Variants in ADD1 observed in about 807,000 individuals in gnomAD.
The protein encoded by ADD1 is adducin 1, also known as alpha-adducin.
A neutral mutation model predicts 80.5 loss-of-function variants in ADD1; 24 were observed. The observed-to-expected ratio is 0.30, with a 90% CI of 0.22 to 0.42. The LOEUF (loss-of-function observed/expected upper bound fraction) is 0.42. Ranked by LOEUF, ADD1 falls within the 10% of genes least tolerant of loss-of-function variation. The pLI, the probability that ADD1 is intolerant of heterozygous loss-of-function variation, is 1.00. For synonymous variants in ADD1, 373 were observed against 393.8 expected (o/e 0.95, Z 0.63); for missense variants, 948 against 1,019.0 (o/e 0.93, Z 0.95).
chr4:2,888,924 T>C (rs1733851471), intron 4 of ADD1, among the ~76,000 whole-genome samples: 2 of 152,012 alleles, frequency 1.3e-5, no homozygotes, highest in African/African-American at 4.8e-5. Flanking sequence ...AATATGTACA[T>C]ATATATATGG....
intron 4 of ADD1, among the ~76,000 whole-genome samples, chr4:2,892,042 A>T (rs1734377485): frequency 1.3e-5 from 2 of 152,196 alleles, no homozygotes; most frequent in Non-Finnish European, 2.9e-5. Context: ...AGCGCCCATG[A>T]CACGGTGGGC....
chr4:2,872,688 C>T (rs1218848001), intron 1 of ADD1, among the ~76,000 whole-genome samples: 2 of 152,164 alleles, frequency 1.3e-5, no homozygotes, highest in African/African-American at 4.8e-5. Context: ...TCCTGAGTAG[C>T]TGAGACTACA....
In ADD1 at chr4:2,905,029, T is replaced by A; in HGVS notation, c.1427T>A (p.Ile476Asn). The A allele has an allele frequency of 6.2e-7, 1 of 1,614,176 alleles. No individual in the cohort carries two copies. The highest frequency in any genetic ancestry group is 1.1e-5 in the South Asian group (1 of 91,082). ...PKSKTKVWTN[I>N]THDHVKPLLQ... ...TCGAAGACTAAGGTGTGGACGAACATTACACACGATCACGTGAAACCCTTG... is the reference window on the plus strand; with the variant it reads ...TCGAAGACTAAGGTGTGGACGAACAATACACACGATCACGTGAAACCCTTG... Residue 476 changes from isoleucine to asparagine, a missense_variant, in exon 10 of 16, where the codon ATT (isoleucine) becomes AAT (asparagine). Coordinates refer to ENST00000683351, the MANE Select transcript of ADD1 (RefSeq NM_001354761.2).
intron 4 of ADD1, among the ~76,000 whole-genome samples, chr4:2,885,021 T>A (rs972492332): frequency 3.3e-5 from 5 of 152,244 alleles, no homozygotes; most frequent in African/African-American, 1.2e-4. Context: ...ACTTATTTCT[T>A]CAGCTACTCT....
intron 10 of ADD1, among the ~76,000 whole-genome samples, chr4:2,905,991 A>T (rs1424390429): frequency 1.3e-5 from 2 of 152,210 alleles, no homozygotes; most frequent in Non-Finnish European, 2.9e-5. Flanking sequence ...CAGGGGCTGA[A>T]GCAGACTCAT....
intron 1 of ADD1, among the ~76,000 whole-genome samples, chr4:2,863,099 G>A (rs1729039552): frequency 6.6e-6 from 1 of 152,088 alleles, no homozygotes; most frequent in South Asian, 2.1e-4. Flanking sequence ...ACCCAGGCTA[G>A]AGTGCAGTGG....
At position 2,884,577 on chromosome 4, in the gene ADD1, G is replaced by A; in HGVS notation, c.421G>A (p.Gly141Arg). The A allele has an allele frequency of 6.2e-7, 1 of 1,613,574 alleles. No individual in the cohort carries two copies. Among genetic ancestry groups the A allele is most frequent in the Non-Finnish European group, 8.5e-7 (1 of 1,179,652 alleles). Residue 141 changes from glycine to arginine, a missense_variant, in exon 4 of 16, where the codon GGA (glycine) becomes AGA (arginine). By Grantham distance (125) the Gly-to-Arg change is moderately radical (BLOSUM62 -2). Coordinates refer to ENST00000683351, the MANE Select transcript of ADD1 (RefSeq NM_001354761.2). ...RGSDSIAYDK[G>R]EKLLRCKLAA... The stretch of plus-strand genomic sequence containing the variant: ...ATCTGATTCTATTGCGTATGACAAA[G>A]GAGAGAAGTTATTACGGTGTAAATT...
chr4:2,919,992 C>G (rs561526239), intron 14 of ADD1, among the ~76,000 whole-genome samples: 7 of 152,176 alleles, frequency 4.6e-5, no homozygotes, highest in Non-Finnish European at 1.0e-4. Flanking sequence ...ATAAATTTCC[C>G]TCTAAACACT....
chr4:2,888,731 T>G (rs992311406), intron 4 of ADD1, among the ~76,000 whole-genome samples: 1 of 152,080 alleles, frequency 6.6e-6, no homozygotes, highest in Non-Finnish European at 1.5e-5. Flanking sequence ...AATGAAAAAT[T>G]TTAAGAGTCC....
intron 4 of ADD1, among the ~76,000 whole-genome samples, chr4:2,888,660 C>T (rs1028198836): frequency 3.9e-5 from 6 of 151,948 alleles, no homozygotes; most frequent in Non-Finnish European, 7.4e-5. Context: ...TCAAGTGATC[C>T]GCCCACCTCA....
At chr4:2,844,706 C>T (rs1326201599) in intron 1 of ADD1, 1 of 152,122 alleles carries the variant, frequency 6.6e-6, no homozygotes, top group Non-Finnish European at 1.5e-5. Context: ...GCATACCCAC[C>T]TTGAAAAACG....
chr4:2,884,783 C>T (rs1732973671), intron 4 of ADD1, 117 bp downstream of exon 4: 14 of 1,222,200 alleles, frequency 1.1e-5, no homozygotes, highest in Non-Finnish European at 1.4e-5. Flanking sequence ...TCTTGGAATA[C>T]CTCTTCTGAT....
At chr4:2,855,171 T>A (rs899700112) in intron 1 of ADD1, 2 of 152,198 alleles carry the variant, frequency 1.3e-5, no homozygotes, top group African/African-American at 4.8e-5. Context: ...ATCTGTAGTC[T>A]TTGCCATATA....
intron 4 of ADD1, among the ~76,000 whole-genome samples, chr4:2,890,648 TC>T (rs1216046313): frequency 1.1e-4 from 16 of 152,132 alleles, no homozygotes; most frequent in Non-Finnish European, 2.1e-4. Flanking sequence ...GACCTTGTGA[TC>T]CGCCCTTCTC....
chr4:2,860,035 T>A (rs1481432685), intron 1 of ADD1, among the ~76,000 whole-genome samples: 1 of 152,094 alleles, frequency 6.6e-6, no homozygotes, highest in Non-Finnish European at 1.5e-5. Context: ...AAATCTTACG[T>A]AGAGTTTTCT....
chr4:2,887,448 G>C (rs1201204860), intron 4 of ADD1: 1 of 149,768 alleles, frequency 6.7e-6, no homozygotes, highest in Non-Finnish European at 1.5e-5. Context: ...AGAAGTGTTT[G>C]TGGGGGCTGG....
At chr4:2,853,338 C>T (rs146999644) in intron 1 of ADD1, 1 of 151,984 alleles carries the variant, frequency 6.6e-6, no homozygotes, top group Non-Finnish European at 1.5e-5. Flanking sequence ...AACATCTGAC[C>T]TCAGGTGATC....
rs1577512232 is a variant in ADD1, at chr4:2,875,822, G to C, written c.-20-74G>C. On this transcript the variant is annotated intron_variant, in intron 1 of 15. Transcript: ENST00000683351. ...TCCTGTTGAAGATTGTGTTTACCAA[G>C]CTCATGTGCTCATCATGAAACACTG... The C allele has an allele frequency of 2.5e-6, 3 of 1,209,588 alleles. No individual in the cohort carries two copies. The African/African-American group carries it at 4.6e-5, about 19-fold the overall frequency. 74.9% of individuals were successfully genotyped at this position (1,209,588 alleles called of 1,614,324 possible).
intron 4 of ADD1, among the ~76,000 whole-genome samples, chr4:2,886,417 C>T (rs188564727): frequency 1.3e-4 from 20 of 152,284 alleles, no homozygotes; most frequent in African/African-American, 7.2e-5. Flanking sequence ...TTCTTGTTTC[C>T]GCTTAAATGA....
Sources: gnomAD v4.1 joint callset for allele counts (sites outside exome capture counted in the v4.1 genomes callset) on GRCh38, gnomAD v4.1.1 for gene constraint, MANE v1.5 for transcripts, NCBI Gene and HGNC (gene_info 2026-07-23, HGNC 2026-07-21) for gene names.